SLC17A8: variants seen among roughly 807,000 people sequenced by gnomAD.
SLC17A8 encodes solute carrier family 17 member 8.
In SLC17A8, 31 loss-of-function variants were observed where a neutral mutation model predicts 58.0. The ratio of observed to expected loss-of-function variants is 0.53; its 90% confidence interval spans 0.40 to 0.72. The LOEUF is 0.72. SLC17A8 is among the 30% of genes least tolerant of loss of function. The probability of loss-of-function intolerance (pLI) is 0.00; values close to 1 mark genes in which losing one functional copy is unlikely to be tolerated. For synonymous variants in SLC17A8, 228 were observed against 249.0 expected (o/e 0.92, Z 0.79); for missense variants, 655 against 727.8 (o/e 0.90, Z 1.15).
At chr12:100,381,643 A>G (rs1952638870) in intron 2 of SLC17A8, among the ~76,000 whole-genome samples, 1 of 152,208 alleles carries the variant, frequency 6.6e-6, no homozygotes. Context: ...GGAGCTCATC[A>G]TCTTTTCTGT....
chr12:100,408,770 T>C (rs1855800728), intron 9 of SLC17A8, among the ~76,000 whole-genome samples: 1 of 152,164 alleles, frequency 6.6e-6, no homozygotes, highest in South Asian at 2.1e-4. Context: ...AGTGTAAAAA[T>C]AAAAGAAGTT....
rs1431642610 is a variant in SLC17A8 at position 100,372,560 on chromosome 12, C to A, written c.102-8141C>A. On this transcript the variant is annotated intron_variant, in intron 1 of 11. Transcript: ENST00000323346. ...GGACATTATTCATATTAGATGAGGG[C>A]CCACCCTAAGGGCCTCATTTAACCA... 2.0e-5 allele frequency among the ~76,000 whole-genome samples: 3 copies of A among 152,092 alleles called. No individual in the cohort carries two copies. In the East Asian group the frequency reaches 5.8e-4, roughly 29 times the overall value.
At chr12:100,392,419 A>G (rs1952723273) in intron 3 of SLC17A8, among the ~76,000 whole-genome samples, 1 of 152,178 alleles carries the variant, frequency 6.6e-6, no homozygotes, top group Admixed American at 6.5e-5. Flanking sequence ...GGGTTGCAAT[A>G]TAAAATATAT....
At chr12:100,369,749 A>G in intron 1 of SLC17A8, among the ~76,000 whole-genome samples, 1 of 152,198 alleles carries the variant, frequency 6.6e-6, no homozygotes, top group East Asian at 1.9e-4. Flanking sequence ...ATTCATTAAG[A>G]TATTGGACAG....
intron 1 of SLC17A8, among the ~76,000 whole-genome samples, chr12:100,372,069 T>A (rs1952562531): frequency 6.6e-6 from 1 of 152,220 alleles, no homozygotes; most frequent in Non-Finnish European, 1.5e-5. Context: ...AAGGATCGTG[T>A]AAAAGACAAC....
chr12:100,409,187 ATG>A (rs1952848572), intron 9 of SLC17A8, among the ~76,000 whole-genome samples: 1 of 151,654 alleles, frequency 6.6e-6, no homozygotes, highest in Non-Finnish European at 1.5e-5. Flanking sequence ...GTATGTATGT[ATG>A]TATGTATGTA....
chr12:100,400,998 CTTTTT>C (rs4015907), intron 5 of SLC17A8, among the ~76,000 whole-genome samples: 4 of 113,072 alleles, frequency 3.5e-5, no homozygotes, highest in Non-Finnish European at 5.3e-5. Flanking sequence ...CACCCCTCAC[CTTTTT>C]TTTTTTTTTT....
At chr12:100,412,982 C>A in intron 10 of SLC17A8, 102 bp downstream of exon 10, 2 of 920,968 alleles carry the variant, frequency 2.2e-6, no homozygotes, top group Non-Finnish European at 3.6e-6. Context: ...AGTAGCCAGT[C>A]CATTCTCAGA....
chr12:100,393,538 T>C, intron 4 of SLC17A8, 55 bp downstream of exon 4: 2 of 1,299,044 alleles, frequency 1.5e-6, no homozygotes, highest in Non-Finnish European at 2.2e-6. Flanking sequence ...CGCAGTCCTT[T>C]AGAAAATTCA....
Position 100,380,767 on chromosome 12 carries a change from G to A in SLC17A8, c.168G>A (p.Gln56=). The change falls in exon 2 of 12, where the codon CAG becomes CAA. Residue 56 remains glutamine, a synonymous_variant. Coordinates refer to ENST00000323346, the MANE Select transcript of SLC17A8 (RefSeq NM_139319.3). ...TGAATGAAGAAGGAAGGCCGGTGCA[G>A]ACGTCCAGGCCAAGCCCCCCACTCT... ...IELNEEGRPV[Q]TSRPSPPLCD... is the part of the protein sequence containing the mutation. 6.2e-7 allele frequency: 1 copy of A among 1,614,144 alleles called. No homozygotes were observed. Among genetic ancestry groups the A allele is most frequent in the Non-Finnish European group, 8.5e-7 (1 of 1,180,020 alleles).
chr12:100,385,842 G>T (rs1042249023), intron 2 of SLC17A8, among the ~76,000 whole-genome samples: 3 of 152,112 alleles, frequency 2.0e-5, no homozygotes, highest in African/African-American at 7.2e-5. Flanking sequence ...TGTGGAGACC[G>T]GAAGTCTAAA....
intron 9 of SLC17A8, among the ~76,000 whole-genome samples, chr12:100,404,872 C>A (rs922292477): frequency 6.6e-6 from 1 of 152,196 alleles, no homozygotes; most frequent in Non-Finnish European, 1.5e-5. Flanking sequence ...CAGATCCCTG[C>A]AAGGTATCAG....
At position 100,380,965 on chromosome 12, in the gene SLC17A8, T is replaced by G. The variant is rs1011821883; in HGVS notation, c.354+12T>G. 3 of 1,613,672 alleles carry G rather than the reference T, an allele frequency of 1.9e-6. No homozygotes were observed. The highest frequency in any genetic ancestry group is 2.7e-5 in the African/African-American group (2 of 74,884). ...AACCGGAAATTCAGGTTGGTATCAG[T>G]CCATGGTGGAAGACTTTTCTTTTTG... On this transcript the variant is annotated intron_variant, in intron 2 of 11. Transcript: ENST00000323346.
chr12:100,392,454 A>T (rs1409282629), intron 3 of SLC17A8, among the ~76,000 whole-genome samples: 1 of 152,176 alleles, frequency 6.6e-6, no homozygotes, highest in African/African-American at 2.4e-5. Flanking sequence ...AAGGTAAAAA[A>T]ATTGGAAGCC....
rs1315112940 is a variant in SLC17A8 at position 100,420,652 on chromosome 12, C to T, written c.*493C>T. 1 of 162,082 alleles carries T rather than the reference C, an allele frequency of 6.2e-6. No individual in the cohort carries two copies. The highest frequency in any genetic ancestry group is 2.4e-5 in the African/African-American group (1 of 41,502). 10.0% of individuals were successfully genotyped at this position (162,082 alleles called of 1,614,324 possible). ...CTTTATGACACACATTTCTTATCCC[C>T]ATTTTACAACCAAGGCATCTAAAGC... On this transcript the variant is annotated 3_prime_UTR_variant, in exon 12 of 12. Transcript: ENST00000323346.
chr12:100,409,165 GTAT>G (rs1952847941), intron 9 of SLC17A8, among the ~76,000 whole-genome samples: 1 of 149,418 alleles, frequency 6.7e-6, no homozygotes. Flanking sequence ...ATGTATGTAT[GTAT>G]GTATGTATGT....
At chr12:100,411,403 T>C (rs1348374456) in intron 9 of SLC17A8, among the ~76,000 whole-genome samples, 2 of 152,052 alleles carry the variant, frequency 1.3e-5, no homozygotes, top group Non-Finnish European at 2.9e-5. Flanking sequence ...TCATTTGAAC[T>C]TGGGAGGCAG....
intron 9 of SLC17A8, among the ~76,000 whole-genome samples, chr12:100,405,571 A>C (rs1952821044): frequency 6.6e-6 from 1 of 152,134 alleles, no homozygotes; most frequent in Non-Finnish European, 1.5e-5. Flanking sequence ...CAAGGAATGC[A>C]AGCAGACCCT....
chr12:100,392,743 G>A (rs1952725701), intron 3 of SLC17A8, among the ~76,000 whole-genome samples: 1 of 152,148 alleles, frequency 6.6e-6, no homozygotes, highest in Admixed American at 6.5e-5. Context: ...CCCTGAGCTG[G>A]CCAGGAAATG....
Sources: gnomAD v4.1 joint callset for allele counts (sites outside exome capture counted in the v4.1 genomes callset) on GRCh38, gnomAD v4.1.1 for gene constraint, MANE v1.5 for transcripts, NCBI Gene and HGNC (gene_info 2026-07-23, HGNC 2026-07-21) for gene names.